Variants in BACH2 observed in about 807,000 individuals in gnomAD.
The protein encoded by BACH2 is transcription regulator protein BACH2.
BACH2 carries 5 observed loss-of-function variants against 61.8 expected under a neutral mutation model. The ratio of observed to expected loss-of-function variants is 0.08; its 90% CI spans 0.04 to 0.17. The LOEUF (loss-of-function observed/expected upper bound fraction) is 0.17. Ranked by LOEUF, BACH2 falls within the 10% of genes least tolerant of loss-of-function variation. The pLI is 1.00. For missense variants in BACH2, 824 were observed against 1,091.1 expected (o/e 0.76, Z 3.45); for synonymous variants, 446 against 440.1 (o/e 1.01, Z -0.17).
intron 3 of BACH2, among the ~76,000 whole-genome samples, chr6:90,228,686 C>G (rs1250402972): frequency 6.6e-6 from 1 of 152,172 alleles, no homozygotes; most frequent in Admixed American, 6.5e-5. Context: ...GGGCAGTGAG[C>G]CGAGATGGCA....
At chr6:89,943,735 T>C (rs1474087885) in intron 7 of BACH2, among the ~76,000 whole-genome samples, 1 of 152,256 alleles carries the variant, frequency 6.6e-6, no homozygotes, top group Non-Finnish European at 1.5e-5. Context: ...AAATATTTCC[T>C]GTAGAAATCT....
chr6:89,930,485 C>T lies in BACH2; in HGVS notation c.*1923G>A, dbSNP rs1030906764. On this transcript the variant is annotated 3_prime_UTR_variant, in exon 9 of 9. Coordinates refer to ENST00000257749, the MANE Select transcript of BACH2 (RefSeq NM_021813.4). ...ATCTATTCCCCACTGCCCACCACCCCATCCCCACATCAAACCGTTCAGGAC... is the reference window on the plus strand; with the variant it reads ...ATCTATTCCCCACTGCCCACCACCCTATCCCCACATCAAACCGTTCAGGAC... 3.9e-5 allele frequency: 6 copies of T among 152,760 alleles called. No individual in the cohort carries two copies. Among genetic ancestry groups the T allele is most frequent in the African/African-American group, 1.4e-4 (6 of 41,426 alleles). 9.5% of individuals were successfully genotyped at this position (152,760 alleles called of 1,614,324 possible).
intron 4 of BACH2, among the ~76,000 whole-genome samples, chr6:90,122,081 A>C (rs1783651636): frequency 1.3e-5 from 2 of 152,146 alleles, no homozygotes; most frequent in Non-Finnish European, 2.9e-5. Context: ...ATGTGTGACA[A>C]GGTTTCCTTT....
chr6:90,085,516 C>G (rs1781897990), intron 5 of BACH2, among the ~76,000 whole-genome samples: 1 of 152,186 alleles, frequency 6.6e-6, no homozygotes, highest in Non-Finnish European at 1.5e-5. Context: ...AGCAGGTCTT[C>G]TAGATGTGTA....
intron 5 of BACH2, among the ~76,000 whole-genome samples, chr6:90,023,304 C>T (rs890446007): frequency 5.9e-5 from 9 of 151,614 alleles, no homozygotes; most frequent in Admixed American, 1.3e-4. Flanking sequence ...GGAGGTTTCT[C>T]GTGGTTTAAC....
intron 4 of BACH2, among the ~76,000 whole-genome samples, chr6:90,204,956 A>G (rs1769090640): frequency 6.6e-6 from 1 of 152,174 alleles, no homozygotes; most frequent in Non-Finnish European, 1.5e-5. Context: ...AAACTCCTCA[A>G]AAACAATTGC....
At chr6:90,066,313 A>C (rs1780962281) in intron 5 of BACH2, among the ~76,000 whole-genome samples, 1 of 152,102 alleles carries the variant, frequency 6.6e-6, no homozygotes, top group Admixed American at 6.5e-5. Flanking sequence ...GAGAAGAATG[A>C]GATTGGGGTA....
At position 89,932,152 on chromosome 6, in the gene BACH2, T is replaced by A; in HGVS notation, c.*256A>T. ...TAGTCTATCCCTGTGAAGACTGAAA[T>A]TGAGCCACAGACAGACAGTGTCATC... On this transcript the variant is annotated 3_prime_UTR_variant, in exon 9 of 9. Coordinates refer to ENST00000257749, the MANE Select transcript of BACH2 (RefSeq NM_021813.4). The A allele has an allele frequency of 2.4e-6, 1 of 412,538 alleles. No individual in the cohort carries two copies. Among genetic ancestry groups the A allele is most frequent in the Non-Finnish European group, 4.4e-6 (1 of 229,104 alleles). 25.6% of individuals were successfully genotyped at this position (412,538 alleles called of 1,614,324 possible). A position where few individuals can be genotyped will look rare whatever the true frequency, so the allele number is the denominator to read the frequency against.
At chr6:89,952,164 T>C in intron 6 of BACH2, 1 of 365,842 alleles carries the variant, frequency 2.7e-6, no homozygotes, top group Non-Finnish European at 5.0e-6. Flanking sequence ...CTGGCAAAAA[T>C]GCACGGTGAC....
At chr6:90,036,392 G>T (rs1277001204) in intron 5 of BACH2, among the ~76,000 whole-genome samples, 4 of 152,016 alleles carry the variant, frequency 2.6e-5, no homozygotes, top group African/African-American at 9.7e-5. Flanking sequence ...GCTTGTAACA[G>T]GGGATAAAAA....
intron 4 of BACH2, among the ~76,000 whole-genome samples, chr6:90,203,130 G>A (rs943145190): frequency 6.6e-6 from 1 of 152,024 alleles, no homozygotes; most frequent in African/African-American, 2.4e-5. Flanking sequence ...TTAAATTTTG[G>A]CCAGGTGAGG....
At chr6:90,050,549 C>A (rs1365429503) in intron 5 of BACH2, among the ~76,000 whole-genome samples, 1 of 151,958 alleles carries the variant, frequency 6.6e-6, no homozygotes, top group Non-Finnish European at 1.5e-5. Flanking sequence ...GTATGCTGGA[C>A]ATTAAAGGTA....
chr6:90,107,103 G>A (rs1782955055), intron 4 of BACH2, among the ~76,000 whole-genome samples: 2 of 152,138 alleles, frequency 1.3e-5, no homozygotes, highest in African/African-American at 4.8e-5. Context: ...GCCGGGTGTG[G>A]TGGCTCACTC....
intron 4 of BACH2, among the ~76,000 whole-genome samples, chr6:90,175,800 G>C (rs893411224): frequency 2.6e-5 from 4 of 152,092 alleles, no homozygotes; most frequent in African/African-American, 7.2e-5. Flanking sequence ...CCGGCTGGTA[G>C]CATGCCTTTG....
chr6:90,014,454 ATATATATATATATATT>A (rs1190713760), intron 5 of BACH2, among the ~76,000 whole-genome samples: 3 of 75,124 alleles, frequency 4.0e-5, no homozygotes, highest in African/African-American at 1.6e-4. Flanking sequence ...ATATATATAT[ATATATATATATATATT>A]TTTTTTTTTT....
chr6:90,157,072 C>T (rs906326455), intron 4 of BACH2, among the ~76,000 whole-genome samples: 1 of 152,196 alleles, frequency 6.6e-6, no homozygotes, highest in Non-Finnish European at 1.5e-5. Context: ...CAGGAAATTG[C>T]TGGGTATGAC....
chr6:90,248,146 G>A (rs1770697663), intron 3 of BACH2, among the ~76,000 whole-genome samples: 2 of 152,112 alleles, frequency 1.3e-5, no homozygotes, highest in African/African-American at 2.4e-5. Flanking sequence ...CCGTCCACAT[G>A]TACTCAGCAC....
At chr6:90,227,290 G>T (rs985822778) in intron 3 of BACH2, among the ~76,000 whole-genome samples, 1 of 152,100 alleles carries the variant, frequency 6.6e-6, no homozygotes, top group Non-Finnish European at 1.5e-5. Context: ...ATGATCCCTC[G>T]GGCGGTATAC....
chr6:89,989,481 G>A (rs1005664002), intron 6 of BACH2, among the ~76,000 whole-genome samples: 5 of 152,174 alleles, frequency 3.3e-5, no homozygotes, highest in Non-Finnish European at 7.4e-5. Flanking sequence ...GGCATACAGA[G>A]CGAGAGAGAG....
Sources: gnomAD v4.1 joint callset for allele counts (sites outside exome capture counted in the v4.1 genomes callset) on GRCh38, gnomAD v4.1.1 for gene constraint, MANE v1.5 for transcripts, NCBI Gene and HGNC (gene_info 2026-07-23, HGNC 2026-07-21) for gene names.